Variants in PARD3B observed in about 807,000 individuals in gnomAD.
PARD3B encodes the protein par-3 family cell polarity regulator beta.
PARD3B carries 103 observed loss-of-function variants against 130.2 expected under a neutral mutation model. That is an observed-to-expected ratio of 0.79 (90% CI 0.67 to 0.93). The LOEUF (loss-of-function observed/expected upper bound fraction) is 0.93, where lower values mean the gene tolerates loss of function less well. PARD3B is among the 40% of genes least tolerant of loss of function. The pLI, the probability that PARD3B is intolerant of heterozygous loss-of-function variation, is 0.00. For synonymous variants in PARD3B, 583 were observed against 553.2 expected (o/e 1.05, Z -0.76); for missense variants, 1,609 against 1,499.2 (o/e 1.07, Z -1.21).
At chr2:204,794,803 G>A (rs1472053671) in intron 2 of PARD3B, among the ~76,000 whole-genome samples, 4 of 152,144 alleles carry the variant, frequency 2.6e-5, no homozygotes, top group African/African-American at 7.2e-5. Context: ...TCAGCACACC[G>A]CTGAAAATAT....
chr2:204,868,882 A>G (rs2045524972), intron 2 of PARD3B, among the ~76,000 whole-genome samples: 1 of 152,188 alleles, frequency 6.6e-6, no homozygotes, highest in Non-Finnish European at 1.5e-5. Flanking sequence ...TTAGGTAGAA[A>G]GAGCATGCAA....
intron 2 of PARD3B, among the ~76,000 whole-genome samples, chr2:204,706,331 C>T (rs1314587603): frequency 6.7e-6 from 1 of 149,524 alleles, no homozygotes; most frequent in Non-Finnish European, 1.5e-5. Context: ...CGCACCACTG[C>T]ACTCCAGCCT....
chr2:205,407,757 T>C lies in PARD3B; in HGVS notation c.2741+6634T>C, dbSNP rs1185094520. 6.6e-6 allele frequency among the ~76,000 whole-genome samples: 1 copy of C among 152,148 alleles called. No homozygotes were observed. The highest frequency in any genetic ancestry group is 1.5e-5 in the Non-Finnish European group (1 of 68,018). Reference sequence around the variant, plus strand: ...AAGACTGTCTTCCATTGAAGTCCCATATTACTGACCCTGAAATAATACTTC... The same window carrying C: ...AAGACTGTCTTCCATTGAAGTCCCACATTACTGACCCTGAAATAATACTTC... On this transcript the variant is annotated intron_variant, in intron 19 of 22. Transcript: ENST00000406610. This position sits in a 1 kb window ranked among gnomAD's most constrained non-coding sequence, Gnocchi z 4.1.
intron 2 of PARD3B, among the ~76,000 whole-genome samples, chr2:204,797,267 TAG>T (rs1417755008): frequency 1.3e-5 from 2 of 152,160 alleles, no homozygotes; most frequent in East Asian, 3.9e-4. Context: ...ATTAACAACT[TAG>T]AATTATAACA....
chr2:205,382,589 G>A (rs1275133718), intron 18 of PARD3B, among the ~76,000 whole-genome samples: 4 of 151,948 alleles, frequency 2.6e-5, no homozygotes, highest in Non-Finnish European at 5.9e-5. Context: ...TCCATTAGTG[G>A]TTCTTGTCAG....
intron 7 of PARD3B, 137 bp downstream of exon 7, chr2:205,119,183 G>A (rs764016561): frequency 7.5e-6 from 9 of 1,197,152 alleles, no homozygotes; most frequent in South Asian, 4.3e-5. Flanking sequence ...ATCCATTTTC[G>A]AATGCTTCTA....
chr2:204,953,418 C>CAGAGAG (rs752929812), intron 2 of PARD3B, among the ~76,000 whole-genome samples: 2 of 117,424 alleles, frequency 1.7e-5, no homozygotes, highest in Non-Finnish European at 3.5e-5. Context: ...CATACACACA[C>CAGAGAG]ACAGAGAGAG....
intron 18 of PARD3B, among the ~76,000 whole-genome samples, chr2:205,395,210 A>T (rs910097071): frequency 3.4e-5 from 5 of 149,076 alleles, no homozygotes; most frequent in African/African-American, 2.5e-5. Context: ...TTGTACAGAC[A>T]CTTATACTTA....
At chr2:205,019,971 G>A (rs1696471695) in intron 3 of PARD3B, among the ~76,000 whole-genome samples, 1 of 152,114 alleles carries the variant, frequency 6.6e-6, no homozygotes, top group African/African-American at 2.4e-5. Flanking sequence ...AGGCAGGGGT[G>A]TGTTTGTGTG....
Position 204,669,368 on chromosome 2 carries a change from T to C in PARD3B, c.121-16813T>C, listed in dbSNP as rs2036175456. Among the ~76,000 whole-genome samples the C allele has an allele frequency of 6.6e-6, 1 of 152,212 alleles. No homozygotes were observed. Among genetic ancestry groups the C allele is most frequent in the South Asian group, 2.1e-4 (1 of 4,834 alleles). ...TACAAAATTGGATAATTTGTTTTGC[T>C]ATTGAATGTGATTATATCCACTTTT... On this transcript the variant is annotated intron_variant, in intron 1 of 22. Coordinates refer to ENST00000406610, the MANE Select transcript of PARD3B (RefSeq NM_001302769.2). The surrounding 1 kb of genome is among the most constrained non-coding windows in gnomAD (Gnocchi z 4.3).
At chr2:204,631,872 G>T (rs1418234870) in intron 1 of PARD3B, among the ~76,000 whole-genome samples, 1 of 152,070 alleles carries the variant, frequency 6.6e-6, no homozygotes, top group Non-Finnish European at 1.5e-5. Context: ...GTTTAGTTTG[G>T]CTGGATATGA....
intron 1 of PARD3B, among the ~76,000 whole-genome samples, chr2:204,582,750 G>A (rs2032626191): frequency 6.6e-6 from 1 of 152,086 alleles, no homozygotes; most frequent in Non-Finnish European, 1.5e-5. Flanking sequence ...CATTTAACAG[G>A]GTATCTTCAT....
At chr2:204,925,748 G>A (rs1687563781) in intron 2 of PARD3B, among the ~76,000 whole-genome samples, 1 of 152,112 alleles carries the variant, frequency 6.6e-6, no homozygotes, top group South Asian at 2.1e-4. Context: ...ATATGGTTTG[G>A]CTCTGTGTCC....
chr2:205,354,208 T>G (rs903430267), intron 18 of PARD3B, among the ~76,000 whole-genome samples: 3 of 151,198 alleles, frequency 2.0e-5, no homozygotes, highest in Non-Finnish European at 2.9e-5. Context: ...TCAGCTAATT[T>G]TTAAAAAATC....
intron 18 of PARD3B, among the ~76,000 whole-genome samples, chr2:205,329,047 A>G (rs1032790262): frequency 6.6e-6 from 1 of 152,168 alleles, no homozygotes; most frequent in Non-Finnish European, 1.5e-5. Context: ...AAGCTCTTCT[A>G]TTTCTCATTC....
At chr2:204,987,474 G>T (rs534764386) in intron 3 of PARD3B, among the ~76,000 whole-genome samples, 18 of 152,268 alleles carry the variant, frequency 1.2e-4, no homozygotes, top group African/African-American at 4.3e-4. Flanking sequence ...TTATAAAGAT[G>T]ATACATACTT....
At chr2:204,814,674 G>A (rs531426465) in intron 2 of PARD3B, among the ~76,000 whole-genome samples, 38 of 151,902 alleles carry the variant, frequency 2.5e-4, no homozygotes, top group African/African-American at 8.7e-4. Context: ...ATATTTCACC[G>A]TTGAGTAAAA....
At chr2:205,127,296 CAAAAAAAAA>C (rs34822432) in intron 10 of PARD3B, among the ~76,000 whole-genome samples, 1 of 100,656 alleles carries the variant, frequency 9.9e-6, no homozygotes, top group African/African-American at 4.0e-5. Context: ...GACTCTGTCT[CAAAAAAAAA>C]AAAAAAAAAG....
chr2:205,080,578 G>T (rs1400145085), intron 4 of PARD3B, among the ~76,000 whole-genome samples: 2 of 151,994 alleles, frequency 1.3e-5, no homozygotes, highest in Non-Finnish European at 2.9e-5. Context: ...TACTCTTGAT[G>T]AATATTTGAA....
Sources: gnomAD v4.1 joint callset for allele counts (sites outside exome capture counted in the v4.1 genomes callset) on GRCh38, gnomAD v4.1.1 for gene constraint, Gnocchi (gnomAD v3.1) non-coding constraint, MANE v1.5 for transcripts, NCBI Gene and HGNC (gene_info 2026-07-23, HGNC 2026-07-21) for gene names.